ATXN7: variants seen among roughly 807,000 people sequenced by gnomAD.
The protein encoded by ATXN7 is ataxin-7.
In ATXN7, 12 loss-of-function variants were observed where a neutral mutation model predicts 70.5. The ratio of observed to expected loss-of-function variants is 0.17; its 90% CI spans 0.11 to 0.28. ATXN7 has a LOEUF of 0.28. Ranked by LOEUF, ATXN7 falls within the 10% of genes least tolerant of loss-of-function variation. The pLI, the probability that ATXN7 is intolerant of heterozygous loss-of-function variation, is 1.00. For missense variants in ATXN7, 1,256 were observed against 1,131.7 expected, an observed-to-expected ratio of 1.11 and a Z score of -1.58; for synonymous variants, 498 against 448.7, an observed-to-expected ratio of 1.11 and a Z score of -1.39.
intron 4 of ATXN7, among the ~76,000 whole-genome samples, chr3:63,936,165 G>T (rs1219527367): frequency 6.6e-6 from 1 of 152,128 alleles, no homozygotes; most frequent in African/African-American, 2.4e-5. Context: ...AACGTTAGTC[G>T]CTTTTCCCTT....
intron 8 of ATXN7, among the ~76,000 whole-genome samples, chr3:63,986,534 T>C (rs908913567): frequency 4.6e-5 from 7 of 152,212 alleles, no homozygotes; most frequent in African/African-American, 1.7e-4. Flanking sequence ...ATTCGTTCTT[T>C]CAACACACGT....
At chr3:63,953,287 T>C (rs2074986576) in intron 5 of ATXN7, among the ~76,000 whole-genome samples, 1 of 151,950 alleles carries the variant, frequency 6.6e-6, no homozygotes, top group Non-Finnish European at 1.5e-5. Context: ...GAGTCCTAAG[T>C]GATGAGAAGG....
chr3:64,003,007 G>A lies in ATXN7; in HGVS notation c.*3540G>A, dbSNP rs1330689080. On this transcript the variant is annotated 3_prime_UTR_variant, in exon 13 of 13. Coordinates refer to ENST00000674280, the MANE Select transcript of ATXN7 (RefSeq NM_001377405.1). ...GCAGCTGTCTTCCTGCAAGAGTTCT[G>A]TTGCCAAGGAATTTCTTAATGTCGC... 6.6e-6 allele frequency: 1 copy of A among 152,074 alleles called. No homozygotes were observed. Among genetic ancestry groups the A allele is most frequent in the Admixed American group, 6.5e-5 (1 of 15,274 alleles). The allele number at this position is 152,074 out of a possible 1,614,324, so 9.4% of individuals were successfully genotyped here.
chr3:63,995,155 G>A (rs191450881), intron 11 of ATXN7, among the ~76,000 whole-genome samples: 1 of 152,190 alleles, frequency 6.6e-6, no homozygotes, highest in African/African-American at 2.4e-5. Flanking sequence ...TTAGCAATCC[G>A]ACACTTAAAG....
At chr3:63,976,169 G>A (rs1318197506) in intron 5 of ATXN7, among the ~76,000 whole-genome samples, 1 of 152,160 alleles carries the variant, frequency 6.6e-6, no homozygotes, top group Non-Finnish European at 1.5e-5. Flanking sequence ...TCTGATCTGG[G>A]AGCAAACACT....
chr3:63,995,979 C>T lies in ATXN7; in HGVS notation c.2157C>T (p.Ser719=), dbSNP rs377376951. 8.0e-4 allele frequency: 1,295 copies of T among 1,613,774 alleles called. 2 individuals carry two copies. Among genetic ancestry groups the T allele is most frequent in the Admixed American group, 2.4e-3 (144 of 60,016 alleles). Residue 719 remains serine (S), a synonymous_variant, in exon 12 of 13, where the codon TCC becomes TCT. Coordinates refer to ENST00000674280, the MANE Select transcript of ATXN7 (RefSeq NM_001377405.1). The part of the protein sequence containing the change: ...NSSPLLVHSS[S]SSSSSSSSSH... Reference sequence around the variant, plus strand: ...CCCCACTGTTGGTTCACTCTTCCTCCTCCTCTTCCTCCTCCTCCTCTTCTT... The same window carrying T: ...CCCCACTGTTGGTTCACTCTTCCTCTTCCTCTTCCTCCTCCTCCTCTTCTT...
chr3:63,891,886 A>T (rs935484599), intron 1 of ATXN7, among the ~76,000 whole-genome samples: 2 of 152,218 alleles, frequency 1.3e-5, no homozygotes, highest in Non-Finnish European at 2.9e-5. Context: ...TGGGTAGAAT[A>T]ATTAAAAACT....
intron 8 of ATXN7, among the ~76,000 whole-genome samples, chr3:63,984,789 G>A (rs1032573107): frequency 2.6e-5 from 4 of 152,076 alleles, no homozygotes; most frequent in African/African-American, 7.2e-5. Flanking sequence ...TCCTTATTTC[G>A]CTCTCCCTTC....
chr3:63,911,370 C>T (rs1392380375), intron 2 of ATXN7: 1 of 152,058 alleles, frequency 6.6e-6, no homozygotes, highest in Non-Finnish European at 1.5e-5. Flanking sequence ...TTTTGCGGGC[C>T]AATGCTTAAT....
intron 12 of ATXN7, 106 bp downstream of exon 12, chr3:63,996,589 A>G: frequency 4.1e-6 from 5 of 1,226,680 alleles, no homozygotes; most frequent in Non-Finnish European, 4.5e-6. Context: ...TGGTTTGTAA[A>G]CAGATATTCA....
At chr3:63,863,849 G>T, upstream of ATXN7, 4 of 1,218,906 alleles carry the variant, frequency 3.3e-6, no homozygotes, top group Non-Finnish European at 4.1e-6. Context: ...GGTTGGCGGC[G>T]GCGGAGGTCA....
chr3:63,980,178 C>T lies in ATXN7; in HGVS notation c.752+11C>T. 1 of 1,613,674 alleles carries T rather than the reference C, an allele frequency of 6.2e-7. No homozygotes were observed. The highest frequency in any genetic ancestry group is 8.5e-7 in the Non-Finnish European group (1 of 1,179,726). ...TCCCCATGGTAGAATGTGAGTATGG[C>T]CAAGAGGGTTTTTAAAGCTTACCTG... is the stretch of plus-strand genomic sequence containing the variant. On this transcript the variant is annotated intron_variant, in intron 6 of 12. Transcript: ENST00000674280.
rs1051696903 is a variant in ATXN7 at position 63,913,043 on chromosome 3, C to T, written c.326-114C>T. 8.5e-6 allele frequency: 11 copies of T among 1,297,816 alleles called. No individual in the cohort carries two copies. In the East Asian group the frequency reaches 3.1e-4, roughly 37 times the overall value. 80.4% of individuals were successfully genotyped at this position (1,297,816 alleles called of 1,614,324 possible). A position where few individuals can be genotyped will look rare whatever the true frequency, so the allele number is the denominator to read the frequency against. ...CGAGGGGCAGAGATGCTATCGTTTG[C>T]TGGGTTGCGGAACGCGGAGGTGCCC... is the stretch of plus-strand genomic sequence containing the variant. On this transcript the variant is annotated intron_variant, in intron 3 of 12. Transcript: ENST00000674280.
chr3:63,906,361 T>C (rs1703839150), intron 2 of ATXN7, among the ~76,000 whole-genome samples: 1 of 152,226 alleles, frequency 6.6e-6, no homozygotes, highest in Non-Finnish European at 1.5e-5. Flanking sequence ...TTCCCTCTTA[T>C]ACTAACACAC....
intron 1 of ATXN7, among the ~76,000 whole-genome samples, chr3:63,867,390 A>T (rs1006573494): frequency 6.6e-6 from 1 of 151,966 alleles, no homozygotes; most frequent in Non-Finnish European, 1.5e-5. Context: ...CCAGTCTGGA[A>T]TGCAATTGCA....
intron 2 of ATXN7, chr3:63,905,845 T>A (rs781776303): frequency 6.6e-6 from 1 of 152,200 alleles, no homozygotes; most frequent in Non-Finnish European, 1.5e-5. Flanking sequence ...AAAGAGAATA[T>A]TGGTTAAAAT....
At chr3:63,976,522 C>CTT (rs565902266) in intron 5 of ATXN7, among the ~76,000 whole-genome samples, 1 of 152,106 alleles carries the variant, frequency 6.6e-6, no homozygotes. Flanking sequence ...AGAAAATAGA[C>CTT]TTTTTTGGGA....
intron 6 of ATXN7, among the ~76,000 whole-genome samples, chr3:63,981,618 C>T (rs918591327): frequency 2.0e-5 from 3 of 152,192 alleles, no homozygotes; most frequent in African/African-American, 7.2e-5. Flanking sequence ...TGGAGAATTA[C>T]CACTTTAGTG....
In ATXN7 at chr3:63,974,058, C is replaced by A. The variant is rs574384647; in HGVS notation, c.500-5857C>A. ...GCTTGGTTTTCAGGCTTTAAACTGT[C>A]TTCGACTTGGAGGTGGGGTTTCGTC... On this transcript the variant is annotated intron_variant, in intron 5 of 12. Transcript: ENST00000674280. Among the ~76,000 whole-genome samples, 12 of 152,262 alleles carry A rather than the reference C, an allele frequency of 7.9e-5. No homozygotes were observed. In the South Asian group the frequency reaches 2.5e-3, roughly 32 times the overall value.
Sources: allele counts gnomAD v4.1 joint callset (sites outside exome capture counted in the v4.1 genomes callset), GRCh38; gene constraint gnomAD v4.1.1; transcripts MANE v1.5; gene names NCBI Gene and HGNC (gene_info 2026-07-23, HGNC 2026-07-21).